SPAG9: variants seen among roughly 807,000 people sequenced by gnomAD.
SPAG9 encodes the protein sperm associated antigen 9, also known as C-Jun-amino-terminal kinase-interacting protein 4.
A neutral mutation model predicts 166.5 loss-of-function variants in SPAG9; 35 were observed. That is an observed-to-expected ratio of 0.21 (90% CI 0.16 to 0.28). The LOEUF (loss-of-function observed/expected upper bound fraction) is 0.28, where lower values mean the gene tolerates loss of function less well. Ranked by LOEUF, SPAG9 falls within the 10% of genes least tolerant of loss-of-function variation. The pLI is 1.00. For synonymous variants in SPAG9, 534 were observed against 565.5 expected, an observed-to-expected ratio of 0.94 and a Z score of 0.79; for missense variants, 1,235 against 1,603.3, an observed-to-expected ratio of 0.77 and a Z score of 3.92.
chr17:51,037,566 T>C (rs887891300), intron 5 of SPAG9, among the ~76,000 whole-genome samples: 1 of 149,226 alleles, frequency 6.7e-6, no homozygotes, highest in Non-Finnish European at 1.5e-5. Context: ...TGAGCCGAGA[T>C]TGCACCATTG....
chr17:51,020,086 GAC>G (rs1196226560), intron 8 of SPAG9, 71 bp downstream of exon 8: 17 of 826,728 alleles, frequency 2.1e-5, no homozygotes, highest in Non-Finnish European at 2.7e-5. Context: ...TTTGTCCAGA[GAC>G]TGGAGAACAG....
At chr17:50,992,986 C>A (rs1456309260) in intron 19 of SPAG9, among the ~76,000 whole-genome samples, 1 of 151,146 alleles carries the variant, frequency 6.6e-6, no homozygotes, top group African/African-American at 2.4e-5. Context: ...GTCCCAGCTA[C>A]TTGGGAGGCT....
chr17:51,053,842 A>AT (rs2047250131), intron 3 of SPAG9, among the ~76,000 whole-genome samples: 1 of 77,756 alleles, frequency 1.3e-5, no homozygotes, highest in African/African-American at 5.7e-5. Context: ...TAATTAAAAA[A>AT]AAAAAAAAAA....
chr17:51,115,407 G>A (rs942713336), intron 1 of SPAG9, among the ~76,000 whole-genome samples: 1 of 141,482 alleles, frequency 7.1e-6, no homozygotes, highest in Non-Finnish European at 1.5e-5. Flanking sequence ...GCCCAGGCTT[G>A]AACTCATCCT....
intron 1 of SPAG9, among the ~76,000 whole-genome samples, chr17:51,081,430 G>A (rs546734773): frequency 4.0e-5 from 6 of 148,850 alleles, no homozygotes; most frequent in Non-Finnish European, 6.0e-5. Flanking sequence ...CAGCCTGGGC[G>A]ACAGAACAAG....
intron 1 of SPAG9, among the ~76,000 whole-genome samples, chr17:51,099,454 A>G (rs2048740645): frequency 6.8e-6 from 1 of 147,308 alleles, no homozygotes; most frequent in Non-Finnish European, 1.5e-5. Flanking sequence ...AAAAAAAAGG[A>G]AAAAAAATAC....
intron 8 of SPAG9, among the ~76,000 whole-genome samples, chr17:51,017,144 C>T (rs2045732525): frequency 6.6e-6 from 1 of 152,132 alleles, no homozygotes; most frequent in Non-Finnish European, 1.5e-5. Context: ...CGTATTTGAT[C>T]TACAAAATAC....
intron 25 of SPAG9, 56 bp downstream of exon 25, chr17:50,982,468 T>C: frequency 2.7e-6 from 4 of 1,484,934 alleles, no homozygotes; most frequent in East Asian, 2.3e-5. Context: ...TATAGTCTAA[T>C]AGTCTTCGGA....
At chr17:51,022,275 A>G (rs1158975866) in intron 6 of SPAG9, among the ~76,000 whole-genome samples, 2 of 152,092 alleles carry the variant, frequency 1.3e-5, no homozygotes, top group East Asian at 3.9e-4. Flanking sequence ...AGGAGTAGAC[A>G]GAGTCTAAGT....
Position 51,060,988 on chromosome 17 carries a change from T to C in SPAG9, c.425-4506A>G, listed in dbSNP as rs1300340564. On this transcript the variant is annotated intron_variant, in intron 2 of 29. Transcript: ENST00000262013. The stretch of plus-strand genomic sequence containing the variant: ...CAGCCTCCCTGAGTAGCTGGGACTA[T>C]AGGCGTGCACCACCACATCCAGCTA... Among the ~76,000 whole-genome samples the C allele has an allele frequency of 6.6e-5, 10 of 151,616 alleles. No individual in the cohort carries two copies. In the East Asian group the frequency reaches 7.8e-4, roughly 12 times the overall value.
At chr17:50,987,013 CCA>C (rs1975094647) in intron 22 of SPAG9, 97 bp downstream of exon 22, 4 of 1,216,076 alleles carry the variant, frequency 3.3e-6, no homozygotes, top group African/African-American at 1.5e-5. Flanking sequence ...TTGCATTAAT[CCA>C]CACTTTTTGT....
intron 15 of SPAG9, among the ~76,000 whole-genome samples, chr17:50,998,022 ATTTTTTTT>A (rs563896612): frequency 4.4e-5 from 4 of 90,760 alleles, no homozygotes; most frequent in Admixed American, 1.2e-4. Flanking sequence ...TACAGAAATG[ATTTTTTTT>A]TTTTTTTTTT....
chr17:51,094,379 ATAAT>A (rs1170409485), intron 1 of SPAG9, among the ~76,000 whole-genome samples: 1 of 152,256 alleles, frequency 6.6e-6, no homozygotes, highest in Non-Finnish European at 1.5e-5. Flanking sequence ...AATGAAAACT[ATAAT>A]TAATATACTC....
chr17:51,007,110 G>GGTGTGTGTGTGTGT (rs3075108), intron 10 of SPAG9, among the ~76,000 whole-genome samples, 159 bp downstream of exon 10: 8 of 145,902 alleles, frequency 5.5e-5, no homozygotes, highest in African/African-American at 2.0e-4. Flanking sequence ...CCAACATTAG[G>GGTGTGTGTGTGTGT]GTGTGTGTGT....
At chr17:51,054,100 C>A (rs1241499816) in intron 3 of SPAG9, among the ~76,000 whole-genome samples, 38 of 141,020 alleles carry the variant, frequency 2.7e-4, no homozygotes, top group East Asian at 1.5e-3. Context: ...TAACAAATGT[C>A]ATTAAAATGT....
At chr17:51,000,349 T>C (rs2044878015) in intron 13 of SPAG9, among the ~76,000 whole-genome samples, 1 of 152,174 alleles carries the variant, frequency 6.6e-6, no homozygotes, top group Non-Finnish European at 1.5e-5. Flanking sequence ...TTAAAAACAT[T>C]CTTTACTTCA....
chr17:50,982,469 A>C, intron 25 of SPAG9, 55 bp downstream of exon 25: 1 of 1,487,484 alleles, frequency 6.7e-7, no homozygotes, highest in Non-Finnish European at 9.2e-7. Context: ...ATAGTCTAAT[A>C]GTCTTCGGAT....
intron 5 of SPAG9, among the ~76,000 whole-genome samples, chr17:51,033,397 G>C (rs2046462196): frequency 6.6e-6 from 1 of 150,732 alleles, no homozygotes; most frequent in Non-Finnish European, 1.5e-5. Flanking sequence ...CACCTGTAAA[G>C]AAAAAGGCCA....
chr17:51,074,064 G>A lies in SPAG9; in HGVS notation c.424+5520C>T, dbSNP rs142636312. ...ATCATGGCTAACACGGTGAAACCCC[G>A]TCTCTACTAAAAATACAAAAAATAA... On this transcript the variant is annotated intron_variant, in intron 2 of 29. Coordinates refer to ENST00000262013, the MANE Select transcript of SPAG9 (RefSeq NM_001130528.3). Among the ~76,000 whole-genome samples, 1,346 of 151,604 alleles carry A rather than the reference G, an allele frequency of 8.9e-3. 14 individuals are homozygous for A. Among genetic ancestry groups the A allele is most frequent in the African/African-American group, 0.032 (1,301 of 41,284 alleles).
Sources: gnomAD v4.1 joint callset for allele counts (sites outside exome capture counted in the v4.1 genomes callset) on GRCh38, gnomAD v4.1.1 for gene constraint, MANE v1.5 for transcripts, NCBI Gene and HGNC (gene_info 2026-07-23, HGNC 2026-07-21) for gene names.